The following STK32B variants were observed in gnomAD, a reference collection of about 807,000 sequenced individuals.
STK32B encodes serine/threonine kinase 32B.
In STK32B, 43 loss-of-function variants were observed where a neutral mutation model predicts 52.6. The observed-to-expected ratio is 0.82, with a 90% CI of 0.64 to 1.05. STK32B has a LOEUF of 1.05. Ranked by LOEUF, STK32B falls within the 50% of genes least tolerant of loss-of-function variation. The pLI is 0.00. For missense variants in STK32B, 621 were observed against 534.6 expected (o/e 1.16, Z -1.59); for synonymous variants, 238 against 204.3 (o/e 1.17, Z -1.41).
chr4:5,389,952 G>A lies in STK32B; in HGVS notation c.435-8255G>A, dbSNP rs376419640. ...CAGCTGCAGGAGCAGAGGTGGGAGT[G>A]CCGCAAGGGGGTGCCAGCAGTCAGG... On this transcript the variant is annotated intron_variant, in intron 4 of 11. Coordinates refer to ENST00000282908, the MANE Select transcript of STK32B (RefSeq NM_018401.3). Among the ~76,000 whole-genome samples the A allele has an allele frequency of 4.6e-5, 7 of 151,964 alleles. No individual in the cohort carries two copies. The East Asian group carries it at 9.7e-4, about 21-fold the overall frequency.
chr4:5,477,836 T>A (rs575799336), intron 11 of STK32B, among the ~76,000 whole-genome samples: 82 of 152,284 alleles, frequency 5.4e-4, no homozygotes, highest in African/African-American at 1.9e-3. Context: ...TGCCGTGTGC[T>A]GGGAACAGGG....
intron 2 of STK32B, among the ~76,000 whole-genome samples, chr4:5,163,481 G>A (rs73797108): frequency 0.014 from 2,086 of 151,866 alleles, 40 homozygotes; most frequent in African/African-American, 0.048. Flanking sequence ...GGCAGGAGAG[G>A]TTGGTGATAG....
At chr4:5,266,833 G>A (rs1727086359) in intron 3 of STK32B, among the ~76,000 whole-genome samples, 1 of 152,148 alleles carries the variant, frequency 6.6e-6, no homozygotes, top group Admixed American at 6.5e-5. Context: ...AAAGTTAAAT[G>A]AGAGCAAGAG....
intron 3 of STK32B, among the ~76,000 whole-genome samples, chr4:5,304,220 T>C (rs1487896937): frequency 1.3e-5 from 2 of 151,990 alleles, no homozygotes; most frequent in East Asian, 1.9e-4. Flanking sequence ...TGAAAAACGA[T>C]GGTGATATAT....
At chr4:5,274,171 A>G (rs1210523204) in intron 3 of STK32B, among the ~76,000 whole-genome samples, 1 of 152,220 alleles carries the variant, frequency 6.6e-6, no homozygotes, top group East Asian at 1.9e-4. Context: ...AAGACCTGGA[A>G]TAGCTAAAAC....
intron 2 of STK32B, among the ~76,000 whole-genome samples, chr4:5,146,073 T>C (rs1044876197): frequency 3.3e-5 from 5 of 151,344 alleles, no homozygotes; most frequent in Non-Finnish European, 7.4e-5. Context: ...TTCCCTAGTA[T>C]GGACATCAGT....
chr4:5,218,197 G>T (rs2108793387), intron 3 of STK32B, among the ~76,000 whole-genome samples: 1 of 152,192 alleles, frequency 6.6e-6, no homozygotes, highest in Middle Eastern at 3.4e-3. Context: ...AGACTCAAAG[G>T]GATAGTAAAT....
chr4:5,116,313 G>T (rs1056826688), intron 1 of STK32B, among the ~76,000 whole-genome samples: 2 of 152,078 alleles, frequency 1.3e-5, no homozygotes, highest in Admixed American at 1.3e-4. Context: ...TTGGTTTAAT[G>T]CTCTGTCATC....
intron 1 of STK32B, among the ~76,000 whole-genome samples, chr4:5,100,933 C>T (rs1713750038): frequency 6.6e-6 from 1 of 151,694 alleles, no homozygotes; most frequent in South Asian, 2.1e-4. Context: ...GGATCTCACT[C>T]TGTCCCCCAG....
chr4:5,241,896 G>T lies in STK32B; in HGVS notation c.260+73446G>T, dbSNP rs191304343. Among the ~76,000 whole-genome samples, 813 of 152,266 alleles carry T rather than the reference G, an allele frequency of 5.3e-3. 8 individuals are homozygous for T. The highest frequency in any genetic ancestry group is 0.017 in the African/African-American group (727 of 41,554). On this transcript the variant is annotated intron_variant, in intron 3 of 11. Coordinates refer to ENST00000282908, the MANE Select transcript of STK32B (RefSeq NM_018401.3). ...CCAGCTTCATCCATGTCCCTACAAAGGACATGAACTCATCATTTTTTATGG... is the reference window on the plus strand; with the variant it reads ...CCAGCTTCATCCATGTCCCTACAAATGACATGAACTCATCATTTTTTATGG...
In STK32B at chr4:5,134,662, T is replaced by C. The variant is rs184416568; in HGVS notation, c.53-5243T>C. 2.6e-5 allele frequency among the ~76,000 whole-genome samples: 4 copies of C among 152,366 alleles called. No homozygotes were observed. In the East Asian group the frequency reaches 7.7e-4, roughly 29 times the overall value. On this transcript the variant is annotated intron_variant, in intron 1 of 11. Transcript: ENST00000282908. ...AACTTATTCAAAACAATTTTAATCATTGGACTAGCCAGACTAAACACACGC... is the reference window on the plus strand; with the variant it reads ...AACTTATTCAAAACAATTTTAATCACTGGACTAGCCAGACTAAACACACGC...
chr4:5,310,597 A>C (rs1730229920), intron 3 of STK32B, among the ~76,000 whole-genome samples: 1 of 152,180 alleles, frequency 6.6e-6, no homozygotes, highest in African/African-American at 2.4e-5. Context: ...GGGAATTCAA[A>C]TTAGTATAGC....
chr4:5,188,286 C>T (rs953620990), intron 3 of STK32B, among the ~76,000 whole-genome samples: 1 of 152,176 alleles, frequency 6.6e-6, no homozygotes, highest in Non-Finnish European at 1.5e-5. Flanking sequence ...TCCCAAAGAG[C>T]CGCAGAAATA....
intron 6 of STK32B, among the ~76,000 whole-genome samples, chr4:5,417,750 CTG>C (rs1712282375): frequency 2.0e-5 from 3 of 152,272 alleles, no homozygotes; most frequent in South Asian, 4.1e-4. Context: ...GTGTAACAAA[CTG>C]TGTCAAAACA....
At chr4:5,173,813 A>C in intron 3 of STK32B, among the ~76,000 whole-genome samples, 1 of 152,214 alleles carries the variant, frequency 6.6e-6, no homozygotes, top group Non-Finnish European at 1.5e-5. Flanking sequence ...GTAGATGTCT[A>C]TTAGGTCTCC....
At chr4:5,208,903 A>G (rs543485211) in intron 3 of STK32B, among the ~76,000 whole-genome samples, 5 of 152,244 alleles carry the variant, frequency 3.3e-5, no homozygotes, top group Non-Finnish European at 7.3e-5. Flanking sequence ...ATCTTCATAA[A>G]ACTTCATTCT....
At chr4:5,444,149 G>A (rs544229189) in intron 6 of STK32B, among the ~76,000 whole-genome samples, 1,903 of 152,302 alleles carry the variant, frequency 0.012, 44 homozygotes, top group East Asian at 0.069. Context: ...CTTCCGGGCT[G>A]CTTTGTTTAC....
intron 6 of STK32B, among the ~76,000 whole-genome samples, chr4:5,441,266 A>T (rs1453645206): frequency 1.3e-5 from 2 of 152,074 alleles, no homozygotes; most frequent in Non-Finnish European, 2.9e-5. Flanking sequence ...GCTATTGATT[A>T]TTGCCACAAC....
At chr4:5,295,540 G>T (rs1729142149) in intron 3 of STK32B, among the ~76,000 whole-genome samples, 1 of 152,114 alleles carries the variant, frequency 6.6e-6, no homozygotes, top group Non-Finnish European at 1.5e-5. Context: ...GTTTCTTCTA[G>T]ATTTTCTAGT....
Sources: allele counts gnomAD v4.1 joint callset (sites outside exome capture counted in the v4.1 genomes callset), GRCh38; gene constraint gnomAD v4.1.1; transcripts MANE v1.5; gene names NCBI Gene and HGNC (gene_info 2026-07-23, HGNC 2026-07-21).